OR9Q1: variants seen among roughly 807,000 people sequenced by gnomAD.
The protein encoded by OR9Q1 is olfactory receptor 9Q1.
For synonymous variants in OR9Q1, 153 were observed against 148.6 expected (o/e 1.03, Z -0.22); for missense variants, 374 against 378.8 (o/e 0.99, Z 0.11).
At chr11:58,102,149 T>C (rs1853790190) in intron 2 of OR9Q1, among the ~76,000 whole-genome samples, 1 of 152,212 alleles carries the variant, frequency 6.6e-6, no homozygotes, top group African/African-American at 2.4e-5. Context: ...GTGTATACTT[T>C]TTAATTAGAT....
At chr11:58,125,230 T>G in intron 2 of OR9Q1, 2 of 52,202 alleles carry the variant, frequency 3.8e-5, no homozygotes, top group African/African-American at 7.4e-5. Flanking sequence ...GATTCCCCCC[T>G]TACCCACCGC....
At chr11:58,115,194 T>C (rs1303495625) in intron 2 of OR9Q1, among the ~76,000 whole-genome samples, 1 of 152,182 alleles carries the variant, frequency 6.6e-6, no homozygotes, top group African/African-American at 2.4e-5. Flanking sequence ...AAAATATTTA[T>C]CATAATTAAC....
chr11:58,105,230 T>C (rs958826125), intron 2 of OR9Q1, among the ~76,000 whole-genome samples: 1 of 152,186 alleles, frequency 6.6e-6, no homozygotes, highest in Non-Finnish European at 1.5e-5. Flanking sequence ...AGATAGACAC[T>C]AATAATACTT....
At chr11:58,077,416 G>T (rs1339867049) in intron 2 of OR9Q1, 2 of 152,174 alleles carry the variant, frequency 1.3e-5, no homozygotes, top group Non-Finnish European at 2.9e-5. Flanking sequence ...TCCTTCTTTA[G>T]ACTTTGGATC....
At chr11:58,071,203 AG>A in intron 2 of OR9Q1, among the ~76,000 whole-genome samples, 1 of 152,252 alleles carries the variant, frequency 6.6e-6, no homozygotes, top group South Asian at 2.1e-4. Context: ...GAAGCCAGAC[AG>A]GGGCTGGGCC....
rs761960271 is a variant in OR9Q1 at position 58,112,292 on chromosome 11, CA to C, written c.-15+56348del. ...TAGGTGACAGAGTGAGACTTCGTCTCAAAGAAAAAAAAAAAGATTATAAATA... is the reference window on the plus strand; with the variant it reads ...TAGGTGACAGAGTGAGACTTCGTCTCAAGAAAAAAAAAAAGATTATAAATA... On this transcript the variant is annotated intron_variant, in intron 2 of 2. Coordinates refer to ENST00000335397, the MANE Select transcript of OR9Q1 (RefSeq NM_001005212.4). Among the ~76,000 whole-genome samples, 10 of 111,794 alleles carry C rather than the reference CA, an allele frequency of 8.9e-5. No individual in the cohort carries two copies. The South Asian group carries it at 2.8e-3, about 31-fold the overall frequency. The allele number at this position is 111,794 out of a possible 152,430, so 73.3% of individuals were successfully genotyped here.
At chr11:58,135,181 G>T (rs1377617498) in intron 2 of OR9Q1, among the ~76,000 whole-genome samples, 1 of 152,180 alleles carries the variant, frequency 6.6e-6, no homozygotes, top group Non-Finnish European at 1.5e-5. Flanking sequence ...GACCATGCTG[G>T]TTCTGCCTTT....
At chr11:58,136,242 C>A (rs1037307709) in intron 2 of OR9Q1, among the ~76,000 whole-genome samples, 4 of 152,108 alleles carry the variant, frequency 2.6e-5, no homozygotes, top group Non-Finnish European at 4.4e-5. Context: ...TGTGCCTGAA[C>A]AACAATTAGA....
At chr11:58,132,353 A>G (rs1006279760) in intron 2 of OR9Q1, among the ~76,000 whole-genome samples, 1 of 152,208 alleles carries the variant, frequency 6.6e-6, no homozygotes, top group Non-Finnish European at 1.5e-5. Flanking sequence ...CCCTAGTTCC[A>G]GTCTCAGCTC....
intron 2 of OR9Q1, among the ~76,000 whole-genome samples, chr11:58,087,928 A>G (rs1853649032): frequency 6.6e-6 from 1 of 151,730 alleles, no homozygotes; most frequent in South Asian, 2.1e-4. Context: ...TCACTCTGTT[A>G]CCTAGGTTGG....
intron 1 of OR9Q1, chr11:58,031,598 A>G (rs887879779): frequency 8.7e-6 from 14 of 1,613,556 alleles, no homozygotes; most frequent in Admixed American, 3.3e-5. Flanking sequence ...GGCCTCCTCT[A>G]TGGTCATTGC....
chr11:58,059,959 T>C (rs1237400098), intron 2 of OR9Q1: 2 of 152,144 alleles, frequency 1.3e-5, no homozygotes, highest in Non-Finnish European at 2.9e-5. Flanking sequence ...TTCTCTGTAA[T>C]AGCTCTGAGC....
At chr11:58,085,669 T>A (rs1393067565) in intron 2 of OR9Q1, among the ~76,000 whole-genome samples, 2 of 151,890 alleles carry the variant, frequency 1.3e-5, no homozygotes, top group South Asian at 2.1e-4. Context: ...TATTCTTTTT[T>A]AAAAAATTAT....
At chr11:58,174,516 A>G (rs985299351) in intron 2 of OR9Q1, among the ~76,000 whole-genome samples, 7 of 151,932 alleles carry the variant, frequency 4.6e-5, no homozygotes, top group African/African-American at 1.7e-4. Context: ...GTTGCATAAT[A>G]TACAGTTCAT....
At chr11:58,027,178 A>G (rs772740540) in intron 1 of OR9Q1, among the ~76,000 whole-genome samples, 10 of 152,232 alleles carry the variant, frequency 6.6e-5, no homozygotes, top group Non-Finnish European at 1.3e-4. Context: ...CGCATGCCCA[A>G]CCAAACCCTG....
At chr11:58,031,178 A>G in intron 1 of OR9Q1, 2 of 1,614,078 alleles carry the variant, frequency 1.2e-6, no homozygotes. Context: ...AATCTGGTAC[A>G]CTTCTGTTAC....
chr11:58,040,483 A>G (rs529814542), intron 1 of OR9Q1, among the ~76,000 whole-genome samples: 23 of 152,338 alleles, frequency 1.5e-4, no homozygotes, highest in African/African-American at 5.1e-4. Context: ...CTAATTTTGC[A>G]TAAGTTGATT....
chr11:58,056,866 A>G (rs1853333404), intron 2 of OR9Q1, among the ~76,000 whole-genome samples: 1 of 152,176 alleles, frequency 6.6e-6, no homozygotes, highest in Admixed American at 6.5e-5. Context: ...TGCCTGAAGA[A>G]GTGTTCCATC....
chr11:58,054,899 G>A (rs527337595), intron 1 of OR9Q1, among the ~76,000 whole-genome samples: 23 of 152,336 alleles, frequency 1.5e-4, no homozygotes, highest in Admixed American at 4.6e-4. Flanking sequence ...ACTCCAGCCT[G>A]GGCGACAGAG....
Sources: gnomAD v4.1 joint callset for allele counts (sites outside exome capture counted in the v4.1 genomes callset) on GRCh38, gnomAD v4.1.1 for gene constraint, MANE v1.5 for transcripts, NCBI Gene and HGNC (gene_info 2026-07-23, HGNC 2026-07-21) for gene names.